Variants in ZFYVE1 observed in about 807,000 individuals in gnomAD.
ZFYVE1 encodes zinc finger FYVE domain-containing protein 1.
Under a neutral mutation model 74.4 loss-of-function variants are expected in ZFYVE1, and 30 were observed. That is an observed-to-expected ratio of 0.40 (90% CI 0.30 to 0.55). The LOEUF is 0.55. Ranked by LOEUF, ZFYVE1 falls within the 20% of genes least tolerant of loss-of-function variation. The pLI is 0.42. For missense variants in ZFYVE1, 703 were observed against 1,011.6 expected (o/e 0.69, Z 4.14); for synonymous variants, 335 against 385.1 (o/e 0.87, Z 1.52).
chr14:73,010,020 T>C (rs181906323), intron 2 of ZFYVE1, among the ~76,000 whole-genome samples: 33 of 152,148 alleles, frequency 2.2e-4, no homozygotes, highest in African/African-American at 6.5e-4. Flanking sequence ...TGTGGGAGGA[T>C]TGCTTGAGTT....
rs748050359 is a variant in ZFYVE1 at position 72,969,585 on chromosome 14, T to C, written c.*1297A>G. On this transcript the variant is annotated 3_prime_UTR_variant, in exon 12 of 12. Transcript: ENST00000556143. ...CACTCCAGGGCTCATGTCACACCGA[T>C]AGGCGCACCAGGAATGACCGCCATA... 2.6e-5 allele frequency: 17 copies of C among 646,486 alleles called. No individual in the cohort carries two copies. Among genetic ancestry groups the C allele is most frequent in the Admixed American group, 1.4e-4 (6 of 42,056 alleles). 40.0% of individuals were successfully genotyped at this position (646,486 alleles called of 1,614,324 possible). A position where few individuals can be genotyped will look rare whatever the true frequency, so the allele number is the denominator to read the frequency against.
chr14:73,003,054 C>CTTTTTTTTTTT (rs201185010), intron 2 of ZFYVE1, among the ~76,000 whole-genome samples: 1 of 102,970 alleles, frequency 9.7e-6, no homozygotes, highest in African/African-American at 3.7e-5. Flanking sequence ...TTTTTCTTTT[C>CTTTTTTTTTTT]TTTTTTTTTT....
intron 2 of ZFYVE1, among the ~76,000 whole-genome samples, chr14:73,011,885 T>G (rs938442768): frequency 1.3e-4 from 19 of 150,694 alleles, no homozygotes. Context: ...CATATATATA[T>G]ATATAAAATG....
chr14:72,971,083 G>A lies in ZFYVE1; in HGVS notation c.2133C>T (p.Tyr711=), dbSNP rs2140338439. The change falls in exon 12 of 12, where the codon TAC becomes TAT. Residue 711 remains tyrosine (Y), a synonymous_variant. Coordinates refer to ENST00000556143, the MANE Select transcript of ZFYVE1 (RefSeq NM_021260.4). ...GGAGGATTTCGTGGTCAGGCACCCAGTACGCAGGCCTGGCCGCGTCCTTTA... is the reference window on the plus strand; with the variant it reads ...GGAGGATTTCGTGGTCAGGCACCCAATACGCAGGCCTGGCCGCGTCCTTTA... ...GLVKDAARPA[Y]WVPDHEILHC... The A allele has an allele frequency of 6.2e-7, 1 of 1,614,206 alleles. No individual in the cohort carries two copies. Among genetic ancestry groups the A allele is most frequent in the Non-Finnish European group, 8.5e-7 (1 of 1,180,046 alleles).
At chr14:73,011,487 A>C (rs1191511726) in intron 2 of ZFYVE1, among the ~76,000 whole-genome samples, 2 of 151,900 alleles carry the variant, frequency 1.3e-5, no homozygotes, top group African/African-American at 4.8e-5. Context: ...ACCCCTTCTC[A>C]AAAGATTGTT....
At chr14:72,972,372 C>G (rs1478778745) in intron 11 of ZFYVE1, among the ~76,000 whole-genome samples, 1 of 152,228 alleles carries the variant, frequency 6.6e-6, no homozygotes, top group Non-Finnish European at 1.5e-5. Flanking sequence ...TTGGTGAGCA[C>G]AGCCAGCAGG....
chr14:73,015,318 G>GAAGGGGGAAGGA (rs1894172580), intron 2 of ZFYVE1, among the ~76,000 whole-genome samples: 1 of 82,540 alleles, frequency 1.2e-5, no homozygotes, highest in Non-Finnish European at 2.4e-5. Context: ...GGGAGGGAGG[G>GAAGGGGGAAGGA]AAGGGGGAAG....
intron 4 of ZFYVE1, 128 bp from the exon 5 acceptor site, chr14:72,982,023 T>C: frequency 2.8e-6 from 2 of 716,908 alleles, no homozygotes; most frequent in African/African-American, 1.7e-5. Context: ...TCATTACCCT[T>C]GACCTTCCTG....
intron 5 of ZFYVE1, 70 bp from the exon 6 acceptor site, chr14:72,979,039 AC>A (rs1253391711): frequency 7.3e-7 from 1 of 1,375,870 alleles, no homozygotes; most frequent in Non-Finnish European, 1.0e-6. Flanking sequence ...GAACAGCCTG[AC>A]CCTGAGCCAG....
At chr14:72,994,468 G>C (rs1893699201) in intron 3 of ZFYVE1, among the ~76,000 whole-genome samples, 1 of 152,082 alleles carries the variant, frequency 6.6e-6, no homozygotes, top group African/African-American at 2.4e-5. Context: ...TATGAGGAGG[G>C]CTGGTGTCCT....
chr14:72,993,468 C>A, intron 3 of ZFYVE1, 111 bp from the exon 4 acceptor site: 1 of 961,766 alleles, frequency 1.0e-6, no homozygotes, highest in Non-Finnish European at 1.5e-6. Flanking sequence ...TTTGGGAGGC[C>A]AAGGTGGGTG....
At chr14:73,025,607 A>G (rs1274112585) in intron 1 of ZFYVE1, among the ~76,000 whole-genome samples, 1 of 151,092 alleles carries the variant, frequency 6.6e-6, no homozygotes, top group African/African-American at 2.4e-5. Context: ...GAGGCAGGAG[A>G]ATCACTTGAA....
chr14:73,005,808 T>G (rs1055904795), intron 2 of ZFYVE1, among the ~76,000 whole-genome samples: 1 of 152,166 alleles, frequency 6.6e-6, no homozygotes, highest in Non-Finnish European at 1.5e-5. Flanking sequence ...CTTGCACCTG[T>G]GAATTGCTCA....
chr14:73,019,317 A>C (rs1894266184), intron 2 of ZFYVE1, among the ~76,000 whole-genome samples: 1 of 152,108 alleles, frequency 6.6e-6, no homozygotes. Context: ...ACAGTGGTGC[A>C]TACCTGTAGT....
intron 2 of ZFYVE1, among the ~76,000 whole-genome samples, chr14:73,006,879 G>A (rs1487671435): frequency 1.3e-5 from 2 of 151,394 alleles, no homozygotes; most frequent in African/African-American, 4.9e-5. Context: ...CCATACCTAG[G>A]TAATTTTTTG....
chr14:72,994,013 CAAAAAA>C (rs59059738), intron 3 of ZFYVE1, among the ~76,000 whole-genome samples: 3 of 56,916 alleles, frequency 5.3e-5, no homozygotes, highest in East Asian at 1.1e-3. Context: ...GATTCCGTCT[CAAAAAA>C]AAAAAAAAAA....
chr14:72,993,204 A>T lies in ZFYVE1; in HGVS notation c.1142T>A (p.Leu381Gln), dbSNP rs751672534. The T allele has an allele frequency of 2.3e-5, 37 of 1,613,744 alleles. No individual in the cohort carries two copies. In the South Asian group the frequency reaches 4.1e-4, roughly 18 times the overall value. ...AGAACGGGTGGTGTTATTCTCTAGT[A>T]GCTGCTCCAAAGCACGCCGAAGCCC... ...FSGLRRALEQ[L>Q]LENNTTRSPR... The change falls in exon 4 of 12, where the codon CTA (leucine) becomes CAA (glutamine). Residue 381 changes from leucine (L) to glutamine (Q), a missense_variant. Around this residue, in one of 2 missense-constraint regions of ZFYVE1, gnomAD observed 492 missense variants for 790.0 expected, o/e 0.62. Transcript: ENST00000556143.
chr14:72,996,027 A>C (rs1033033970), intron 3 of ZFYVE1, among the ~76,000 whole-genome samples: 3 of 152,128 alleles, frequency 2.0e-5, no homozygotes, highest in African/African-American at 7.2e-5. Flanking sequence ...TTGAGAACTG[A>C]GTCAAGGCCA....
chr14:72,979,068 G>T, intron 5 of ZFYVE1, 99 bp from the exon 6 acceptor site: 3 of 1,003,812 alleles, frequency 3.0e-6, no homozygotes, highest in African/African-American at 1.6e-5. Flanking sequence ...GCCACGACCA[G>T]ACCTTGATTA....
Sources: allele counts gnomAD v4.1 joint callset (sites outside exome capture counted in the v4.1 genomes callset), GRCh38; gene constraint gnomAD v4.1.1; regional missense constraint gnomAD v4.1.1; transcripts MANE v1.5; gene names NCBI Gene and HGNC (gene_info 2026-07-23, HGNC 2026-07-21).